The following WWOX variants were observed in gnomAD, a reference collection of about 807,000 sequenced individuals.
The protein encoded by WWOX is WW domain-containing oxidoreductase.
WWOX carries 69 observed loss-of-function variants against 46.2 expected under a neutral mutation model. The observed-to-expected ratio is 1.49, with a 90% CI of 1.23 to 1.82. WWOX has a LOEUF of 1.82. Ranked by LOEUF, WWOX falls within the 40% of genes most tolerant of loss-of-function variation. The pLI, the probability that WWOX is intolerant of heterozygous loss-of-function variation, is 0.00. For missense variants in WWOX, 919 were observed against 542.6 expected, an observed-to-expected ratio of 1.69 and a Z score of -6.89; for synonymous variants, 359 against 202.6, an observed-to-expected ratio of 1.77 and a Z score of -6.56.
At chr16:78,520,294 A>T (rs1567619185) in intron 8 of WWOX, among the ~76,000 whole-genome samples, 1 of 152,172 alleles carries the variant, frequency 6.6e-6, no homozygotes, top group South Asian at 2.1e-4. Flanking sequence ...AACGCAGTGA[A>T]TTTTTTAGAT....
intron 5 of WWOX, among the ~76,000 whole-genome samples, chr16:78,198,990 C>G (rs998688271): frequency 2.0e-5 from 3 of 152,108 alleles, no homozygotes; most frequent in Non-Finnish European, 2.9e-5. Flanking sequence ...ACTTCTGCTA[C>G]TTATACTTCT....
rs1394093393 is a variant in WWOX, at chr16:78,838,109, G to C, written c.1057-373499G>C. Among the ~76,000 whole-genome samples, 7 of 152,156 alleles carry C rather than the reference G, an allele frequency of 4.6e-5. No individual in the cohort carries two copies. In the South Asian group the frequency reaches 1.5e-3, roughly 32 times the overall value. ...TGTCTCTGGGGTTGTGGGGAAGGCTGGTAGCTTGAGAGCCTCCTCCTTCAA... is the reference window on the plus strand; with the variant it reads ...TGTCTCTGGGGTTGTGGGGAAGGCTCGTAGCTTGAGAGCCTCCTCCTTCAA... On this transcript the variant is annotated intron_variant, in intron 8 of 8. Transcript: ENST00000566780.
intron 8 of WWOX, among the ~76,000 whole-genome samples, chr16:78,744,454 C>T (rs1042051124): frequency 3.1e-4 from 23 of 74,532 alleles, no homozygotes; most frequent in African/African-American, 1.0e-3. Context: ...TTTTTTGAAA[C>T]GGAGTATCTG....
intron 8 of WWOX, among the ~76,000 whole-genome samples, chr16:78,886,998 G>A (rs902364972): frequency 1.3e-5 from 2 of 151,758 alleles, no homozygotes; most frequent in Non-Finnish European, 2.9e-5. Context: ...AGAAATTTGA[G>A]TTTTCATATT....
chr16:78,553,045 A>C (rs900227618), intron 8 of WWOX: 4 of 152,222 alleles, frequency 2.6e-5, no homozygotes, highest in South Asian at 2.1e-4. Flanking sequence ...CAAATACCGC[A>C]TGGTGTCACT....
intron 8 of WWOX, among the ~76,000 whole-genome samples, chr16:79,201,513 A>G (rs572321695): frequency 6.6e-6 from 1 of 152,090 alleles, no homozygotes; most frequent in East Asian, 1.9e-4. Flanking sequence ...TGTGCCATCA[A>G]ATTAAGTTTG....
At chr16:78,293,978 G>GAAAAAAAAAAAAAAAAAAAAAA (rs35079271) in intron 5 of WWOX, among the ~76,000 whole-genome samples, 1 of 30,312 alleles carries the variant, frequency 3.3e-5, no homozygotes, top group Non-Finnish European at 6.7e-5. Context: ...CTCTGTCTCA[G>GAAAAAAAAAAAAAAAAAAAAAA]AAAAAAAAAA....
At chr16:79,073,306 A>G (rs182084491) in intron 8 of WWOX, among the ~76,000 whole-genome samples, 10 of 151,936 alleles carry the variant, frequency 6.6e-5, no homozygotes, top group African/African-American at 2.2e-4. Flanking sequence ...CAGCTTCCTG[A>G]GTAGCTGGGA....
chr16:78,668,082 C>T (rs975854190), intron 8 of WWOX, among the ~76,000 whole-genome samples: 2 of 152,130 alleles, frequency 1.3e-5, no homozygotes, highest in Non-Finnish European at 2.9e-5. Flanking sequence ...AATTCAAGAC[C>T]AGCCTGGCCA....
chr16:78,653,266 CT>C (rs2047005761), intron 8 of WWOX, among the ~76,000 whole-genome samples: 1 of 152,084 alleles, frequency 6.6e-6, no homozygotes, highest in African/African-American at 2.4e-5. Flanking sequence ...TAACCATTCC[CT>C]AGTGTTGGAT....
intron 8 of WWOX, among the ~76,000 whole-genome samples, chr16:79,138,464 G>A (rs141527555): frequency 6.5e-4 from 99 of 152,216 alleles, no homozygotes; most frequent in African/African-American, 2.3e-3. Flanking sequence ...CACATTCCTC[G>A]TCTCTTTCCT....
intron 8 of WWOX, among the ~76,000 whole-genome samples, chr16:79,085,279 A>T (rs566767395): frequency 6.6e-6 from 1 of 152,028 alleles, no homozygotes; most frequent in African/African-American, 2.4e-5. Flanking sequence ...GGTCTCTTAG[A>T]TTTTCCCAAT....
chr16:78,203,093 G>A (rs74597435), intron 5 of WWOX, among the ~76,000 whole-genome samples: 5,951 of 152,208 alleles, frequency 0.039, 163 homozygotes, highest in East Asian at 0.12. Flanking sequence ...TTGAACTGGT[G>A]TCTTTAGAAA....
chr16:79,144,016 G>C (rs1315838540), intron 8 of WWOX, among the ~76,000 whole-genome samples: 1 of 152,178 alleles, frequency 6.6e-6, no homozygotes, highest in Non-Finnish European at 1.5e-5. Flanking sequence ...GTGATTTTCA[G>C]CTTACTGAGT....
chr16:78,928,802 T>C (rs1246739298), intron 8 of WWOX, among the ~76,000 whole-genome samples: 1 of 152,186 alleles, frequency 6.6e-6, no homozygotes, highest in Non-Finnish European at 1.5e-5. Context: ...GCCTCAGTTT[T>C]AGAAGATAAA....
intron 3 of WWOX, among the ~76,000 whole-genome samples, 166 bp downstream of exon 3, chr16:78,110,001 C>A (rs114283185): frequency 6.6e-6 from 1 of 151,492 alleles, no homozygotes; most frequent in Admixed American, 6.6e-5. Flanking sequence ...CTTTTAACAT[C>A]GCTAGATTTA....
At chr16:78,864,792 T>A (rs553789071) in intron 8 of WWOX, among the ~76,000 whole-genome samples, 171 of 118,154 alleles carry the variant, frequency 1.4e-3, no homozygotes, top group Middle Eastern at 6.0e-3. Context: ...TGAGACAGTC[T>A]CACTCTATTG....
rs76246771 is a variant in WWOX, at chr16:78,313,349, A to G, written c.517-73511A>G. On this transcript the variant is annotated intron_variant, in intron 5 of 8. Transcript: ENST00000566780. ...GTGCTGGCTTATAGCAAGTGTTCAGAGATGTGTTTCGTTGTTTTTCTTTTT... is the reference window on the plus strand; with the variant it reads ...GTGCTGGCTTATAGCAAGTGTTCAGGGATGTGTTTCGTTGTTTTTCTTTTT... 4.0e-3 allele frequency among the ~76,000 whole-genome samples: 608 copies of G among 152,218 alleles called. 5 individuals carry two copies. The highest frequency in any genetic ancestry group is 5.6e-3 in the Non-Finnish European group (381 of 68,014).
At chr16:78,728,463 T>C (rs1052205338) in intron 8 of WWOX, among the ~76,000 whole-genome samples, 3 of 152,216 alleles carry the variant, frequency 2.0e-5, no homozygotes, top group Admixed American at 1.3e-4. Flanking sequence ...CTTGGTTCCC[T>C]AGAAGACAGC....
Sources: gnomAD v4.1 joint callset for allele counts (sites outside exome capture counted in the v4.1 genomes callset) on GRCh38, gnomAD v4.1.1 for gene constraint, MANE v1.5 for transcripts, NCBI Gene and HGNC (gene_info 2026-07-23, HGNC 2026-07-21) for gene names.